The following PLEKHA7 variants were observed in gnomAD, a reference collection of about 807,000 sequenced individuals.
PLEKHA7 encodes the protein pleckstrin homology domain-containing family A member 7.
Under a neutral mutation model 170.0 loss-of-function variants are expected in PLEKHA7, and 104 were observed. The observed-to-expected ratio is 0.61, with a 90% CI of 0.52 to 0.72. The LOEUF (loss-of-function observed/expected upper bound fraction) is 0.72, where lower values mean the gene tolerates loss of function less well. Ranked by LOEUF, PLEKHA7 falls within the 30% of genes least tolerant of loss-of-function variation. PLEKHA7 has a pLI of 0.00. For synonymous variants in PLEKHA7, 648 were observed against 660.8 expected, an observed-to-expected ratio of 0.98 and a Z score of 0.30; for missense variants, 1,615 against 1,671.7, an observed-to-expected ratio of 0.97 and a Z score of 0.59.
At chr11:16,892,381 G>A (rs192420647) in intron 3 of PLEKHA7, among the ~76,000 whole-genome samples, 1 of 146,320 alleles carries the variant, frequency 6.8e-6, no homozygotes, top group Non-Finnish European at 1.5e-5. Context: ...GGTGGTCACA[G>A]CCATGCAGGA....
intron 4 of PLEKHA7, among the ~76,000 whole-genome samples, chr11:16,856,506 C>T (rs751790333): frequency 2.0e-5 from 3 of 152,116 alleles, no homozygotes; most frequent in Non-Finnish European, 4.4e-5. Context: ...GAGATATTAA[C>T]CCCTTGTGCT....
At chr11:16,781,793 C>G (rs1849039711) in intron 26 of PLEKHA7, among the ~76,000 whole-genome samples, 1 of 152,120 alleles carries the variant, frequency 6.6e-6, no homozygotes, top group Non-Finnish European at 1.5e-5. Flanking sequence ...ATCTGAGGAC[C>G]CTGCCGGCCA....
intron 3 of PLEKHA7, among the ~76,000 whole-genome samples, chr11:16,956,997 C>G (rs78810686): frequency 6.6e-6 from 1 of 152,258 alleles, no homozygotes; most frequent in Admixed American, 6.5e-5. Flanking sequence ...CACCTCCCCC[C>G]GTGGCTTTAG....
chr11:16,940,523 G>C (rs907157790), intron 3 of PLEKHA7, among the ~76,000 whole-genome samples: 2 of 151,828 alleles, frequency 1.3e-5, no homozygotes, highest in African/African-American at 4.8e-5. Flanking sequence ...CCTGACCTCA[G>C]GTGATCCGCC....
intron 10 of PLEKHA7, among the ~76,000 whole-genome samples, chr11:16,823,244 G>A (rs1011201977): frequency 3.3e-5 from 5 of 152,084 alleles, no homozygotes; most frequent in East Asian, 1.9e-4. Flanking sequence ...GGACTCAAGC[G>A]ATCCTACCAC....
At chr11:16,920,408 T>C (rs1303304861) in intron 3 of PLEKHA7, among the ~76,000 whole-genome samples, 3 of 152,052 alleles carry the variant, frequency 2.0e-5, no homozygotes, top group Non-Finnish European at 4.4e-5. Flanking sequence ...ATAGCAAATC[T>C]CCCCTGACAA....
chr11:16,980,634 G>T (rs886101794), intron 3 of PLEKHA7, among the ~76,000 whole-genome samples: 1 of 152,116 alleles, frequency 6.6e-6, no homozygotes, highest in African/African-American at 2.4e-5. Flanking sequence ...TAAAAAACCA[G>T]CAAGATGGCC....
At chr11:16,885,302 C>A (rs1306369407) in intron 3 of PLEKHA7, among the ~76,000 whole-genome samples, 1 of 151,128 alleles carries the variant, frequency 6.6e-6, no homozygotes. Flanking sequence ...TGCACTCCAG[C>A]CTGGGCGACA....
At chr11:16,851,106 G>A (rs35098462) in intron 8 of PLEKHA7, 85 bp downstream of exon 8, 395,308 of 1,097,170 alleles carry the variant, frequency 0.36, 73,308 homozygotes, top group East Asian at 0.56. Context: ...TCCCCCTCCC[G>A]ACAAAAGCAA....
At chr11:16,819,458 T>C (rs1046635533) in intron 10 of PLEKHA7, among the ~76,000 whole-genome samples, 7 of 152,252 alleles carry the variant, frequency 4.6e-5, no homozygotes, top group Admixed American at 2.6e-4. Context: ...GGAATTTTAC[T>C]AAGCCTGAGA....
chr11:16,996,712 G>A (rs1036469704), intron 3 of PLEKHA7, among the ~76,000 whole-genome samples: 22 of 152,080 alleles, frequency 1.4e-4, no homozygotes, highest in Non-Finnish European at 2.2e-4. Context: ...CGAGGCGGGC[G>A]GATCACGAGG....
rs374077179 is a variant in PLEKHA7, at chr11:16,803,229, C to T, written c.2074G>A (p.Asp692Asn). Residue 692 changes from aspartate to asparagine, a missense_variant and splice_region_variant, in exon 14 of 27, where the codon GAC (aspartate) becomes AAC (asparagine). Asp to Asn is a conservative substitution (Grantham distance 23, BLOSUM62 1). Transcript: ENST00000531066. ...AGCGTGTCACTCTGCTCACTCACGTCAGTGTCGCTCTCAGCGATCTTCACA... is the reference window on the plus strand; with the variant it reads ...AGCGTGTCACTCTGCTCACTCACGTTAGTGTCGCTCTCAGCGATCTTCACA... ...KPVKIAESDT[D>N]VKLSIFCEQD... is the part of the protein sequence containing the mutation. 1 of 1,613,562 alleles carries T rather than the reference C, an allele frequency of 6.2e-7. No homozygotes were observed. The highest frequency in any genetic ancestry group is 8.5e-7 in the Non-Finnish European group (1 of 1,179,552).
intron 8 of PLEKHA7, among the ~76,000 whole-genome samples, chr11:16,850,171 T>C (rs1465490863): frequency 6.6e-6 from 1 of 152,232 alleles, no homozygotes; most frequent in Non-Finnish European, 1.5e-5. Flanking sequence ...GTCCTCTATC[T>C]ATGGCTGGAA....
At chr11:16,971,952 T>C (rs983375295) in intron 3 of PLEKHA7, among the ~76,000 whole-genome samples, 6 of 151,214 alleles carry the variant, frequency 4.0e-5, no homozygotes, top group African/African-American at 1.5e-4. Flanking sequence ...GCCTCCCAAG[T>C]AGCTATGATT....
chr11:16,848,252 G>C (rs939097459), intron 8 of PLEKHA7, among the ~76,000 whole-genome samples: 1 of 152,204 alleles, frequency 6.6e-6, no homozygotes, highest in Non-Finnish European at 1.5e-5. Context: ...AAAAAGCAAG[G>C]ATTTTGTCCT....
intron 3 of PLEKHA7, among the ~76,000 whole-genome samples, chr11:17,000,208 C>T (rs928440326): frequency 3.3e-5 from 5 of 152,248 alleles, no homozygotes; most frequent in Middle Eastern, 3.4e-3. Flanking sequence ...CTCAGCCTCC[C>T]GAGTGGCTGG....
chr11:16,892,432 G>GTGTGTTGTGTTTTGTTTTGTTT lies in PLEKHA7; in HGVS notation c.222-21251_222-21250insAAACAAAACAAAACACAACACA. Among the ~76,000 whole-genome samples the GTGTGTTGTGTTTTGTTTTGTTT allele has an allele frequency of 2.6e-5, 3 of 115,022 alleles. No homozygotes were observed. In the South Asian group the frequency reaches 8.4e-4, roughly 32 times the overall value. 75.5% of individuals were successfully genotyped at this position (115,022 alleles called of 152,430 possible). On this transcript the variant is annotated intron_variant, in intron 3 of 26. Transcript: ENST00000531066. ...TGTGTGTGTGTGTGTGTGTGTGTGT[G>GTGTGTTGTGTTTTGTTTTGTTT]TGTTTTGTTTTGTTTTGTTTTGTTT...
chr11:16,968,755 C>T (rs761746394), intron 3 of PLEKHA7, among the ~76,000 whole-genome samples: 28 of 152,206 alleles, frequency 1.8e-4, no homozygotes, highest in Non-Finnish European at 3.4e-4. Context: ...CAATGGCTGG[C>T]ATGATAGGCC....
At chr11:16,933,057 AT>A (rs1187930026) in intron 3 of PLEKHA7, among the ~76,000 whole-genome samples, 1 of 152,220 alleles carries the variant, frequency 6.6e-6, no homozygotes, top group Admixed American at 6.5e-5. Context: ...TTTCAAAAAG[AT>A]TTCTGTATCT....
Sources: allele counts gnomAD v4.1 joint callset (sites outside exome capture counted in the v4.1 genomes callset), GRCh38; gene constraint gnomAD v4.1.1; transcripts MANE v1.5; gene names NCBI Gene and HGNC (gene_info 2026-07-23, HGNC 2026-07-21).